Variants in SLC5A9 observed in about 807,000 individuals in gnomAD.
SLC5A9 encodes the protein solute carrier family 5 member 9, also known as sodium/glucose cotransporter 4.
A neutral mutation model predicts 70.9 loss-of-function variants in SLC5A9; 59 were observed. The observed-to-expected ratio is 0.83, with a 90% CI of 0.68 to 1.03. The LOEUF (loss-of-function observed/expected upper bound fraction) is 1.03, where lower values mean the gene tolerates loss of function less well. SLC5A9 is among the 50% of genes least tolerant of loss of function. The probability of loss-of-function intolerance (pLI) is 0.00; values close to 1 mark genes in which losing one functional copy is unlikely to be tolerated. For missense variants in SLC5A9, 832 were observed against 881.1 expected, an observed-to-expected ratio of 0.94 and a Z score of 0.71; for synonymous variants, 340 against 346.5, an observed-to-expected ratio of 0.98 and a Z score of 0.21.
chr1:48,231,561 G>T lies in SLC5A9; in HGVS notation c.627G>T (p.Val209=). Reference sequence around the variant, plus strand: ...GGTCCCCAGGTGGCCTCATGGCCGTGATCTACACAGATGCTCTGCAGACGG... The same window carrying T: ...GGTCCCCAGGTGGCCTCATGGCCGTTATCTACACAGATGCTCTGCAGACGG... The part of the protein sequence containing the change: ...VYTIAGGLMA[V]IYTDALQTVI... The change falls in exon 6 of 14, where the codon GTG becomes GTT. Residue 209 remains valine (V), a synonymous_variant. Transcript: ENST00000438567. The T allele has an allele frequency of 7.4e-6, 12 of 1,614,128 alleles. No individual in the cohort carries two copies. The highest frequency in any genetic ancestry group is 1.0e-5 in the Non-Finnish European group (12 of 1,179,996).
chr1:48,238,236 A>C (rs867176451), intron 11 of SLC5A9, among the ~76,000 whole-genome samples: 61 of 152,192 alleles, frequency 4.0e-4, no homozygotes, highest in African/African-American at 1.3e-3. Context: ...TGAAGGATTA[A>C]TGAGAGGGGG....
intron 12 of SLC5A9, chr1:48,240,497 T>A (rs1569859754): frequency 1.3e-5 from 2 of 152,340 alleles, no homozygotes; most frequent in Non-Finnish European, 1.5e-5. Flanking sequence ...GTGGACATCA[T>A]GGATAATACT....
chr1:48,232,466 G>A lies in SLC5A9; in HGVS notation c.997G>A (p.Val333Ile), dbSNP rs1037027712. Residue 333 changes from valine (V) to isoleucine (I), a missense_variant, in exon 8 of 14, where the codon GTC (valine) becomes ATC (isoleucine). Val to Ile is a conservative substitution (Grantham distance 29, BLOSUM62 3). Transcript: ENST00000438567. ...GAAGATCCTCCCCATGTTCTTCATC[G>A]TCATGCCTGGCATGATCAGCCGGGC... ...YLKILPMFFI[V>I]MPGMISRALF... 24 of 1,614,074 alleles carry A rather than the reference G, an allele frequency of 1.5e-5. No homozygotes were observed. Among genetic ancestry groups the A allele is most frequent in the African/African-American group, 4.0e-5 (3 of 74,920 alleles).
intron 1 of SLC5A9, 140 bp from the exon 2 acceptor site, chr1:48,224,584 G>C: frequency 1.3e-6 from 1 of 749,900 alleles, no homozygotes; most frequent in South Asian, 1.6e-5. Flanking sequence ...ACCAGCCTCA[G>C]GCAGCTCTCT....
chr1:48,247,369 C>T lies in SLC5A9; in HGVS notation c.1872C>T (p.Ser624=). The change falls in exon 14 of 14, where the codon AGC becomes AGT. Residue 624 remains serine (S), a synonymous_variant. Coordinates refer to ENST00000438567, the MANE Select transcript of SLC5A9 (RefSeq NM_001011547.3). The part of the protein sequence containing the change: ...PSRSWGKLLW[S]WFCGLSGTPE... Reference sequence around the variant, plus strand: ...GGTCCTGGGGAAAGTTGCTCTGGAGCTGGTTCTGTGGGCTCTCTGGAACAC... The same window carrying T: ...GGTCCTGGGGAAAGTTGCTCTGGAGTTGGTTCTGTGGGCTCTCTGGAACAC... The T allele has an allele frequency of 6.2e-7, 1 of 1,614,100 alleles. No homozygotes were observed. Among genetic ancestry groups the T allele is most frequent in the African/African-American group, 1.3e-5 (1 of 75,026 alleles).
intron 13 of SLC5A9, among the ~76,000 whole-genome samples, chr1:48,243,825 T>G (rs993335717): frequency 3.3e-5 from 5 of 152,198 alleles, no homozygotes; most frequent in African/African-American, 1.2e-4. Context: ...AATTAATCTC[T>G]CTTGCCCTTG....
chr1:48,244,394 T>G (rs1320106015), intron 13 of SLC5A9, among the ~76,000 whole-genome samples: 1 of 151,966 alleles, frequency 6.6e-6, no homozygotes, highest in Admixed American at 6.6e-5. Flanking sequence ...CTGAGAAGGC[T>G]CCCACCTTTC....
chr1:48,227,414 G>T (rs1644175114), intron 2 of SLC5A9, among the ~76,000 whole-genome samples: 1 of 138,342 alleles, frequency 7.2e-6, no homozygotes, highest in Admixed American at 7.5e-5. Flanking sequence ...GTGTGGGCGT[G>T]AGTGCATGTG....
intron 12 of SLC5A9, chr1:48,242,031 C>T (rs773993229): frequency 5.2e-5 from 24 of 457,186 alleles, no homozygotes; most frequent in Non-Finnish European, 8.8e-6. Flanking sequence ...AAGATCCTGG[C>T]ACTTACAGTC....
At chr1:48,244,827 T>A (rs1470480728) in intron 13 of SLC5A9, among the ~76,000 whole-genome samples, 1 of 69,556 alleles carries the variant, frequency 1.4e-5, no homozygotes, top group African/African-American at 5.4e-5. Context: ...ATTTATATTA[T>A]ATATATAAAT....
In SLC5A9 at chr1:48,242,615, A is replaced by G. The variant is rs557187487; in HGVS notation, c.1836A>G (p.Glu612=). 1.9e-6 allele frequency: 3 copies of G among 1,608,676 alleles called. No homozygotes were observed. Among genetic ancestry groups the G allele is most frequent in the Non-Finnish European group, 2.5e-6 (3 of 1,177,556 alleles). ...CGAGCCTGGGCCAGGAGCAGCCTGAAGGTAGGCTGCGGCAGGCCGGGGGAT... is the reference window on the plus strand; with the variant it reads ...CGAGCCTGGGCCAGGAGCAGCCTGAGGGTAGGCTGCGGCAGGCCGGGGGAT... ...ENSSLGQEQP[E]APSRSWGKLL... Residue 612 remains glutamate, a splice_region_variant and synonymous_variant, in exon 13 of 14, where the codon GAA becomes GAG. Transcript: ENST00000438567.
In SLC5A9 at chr1:48,244,729, A is replaced by ATATATAATATATATAAAT. The variant is rs1285574048; in HGVS notation, c.1837+2119_1837+2136dup. Among the ~76,000 whole-genome samples, 7 of 120,308 alleles carry ATATATAATATATATAAAT rather than the reference A, an allele frequency of 5.8e-5. No homozygotes were observed. In the East Asian group the frequency reaches 1.2e-3, roughly 21 times the overall value. 78.9% of individuals were successfully genotyped at this position (120,308 alleles called of 152,430 possible). A position where few individuals can be genotyped will look rare whatever the true frequency, so the allele number is the denominator to read the frequency against. On this transcript the variant is annotated intron_variant, in intron 13 of 13. Transcript: ENST00000438567. ...CTTTGCAAATATATATATATATAAAATATATAATATATATAAATTATATTT... is the reference window on the plus strand; with the variant it reads ...CTTTGCAAATATATATATATATAAAATATATAATATATATAAATTATATAATATATATAAATTATATTT...
At chr1:48,227,374 C>T (rs1438965884) in intron 2 of SLC5A9, among the ~76,000 whole-genome samples, 1 of 81,636 alleles carries the variant, frequency 1.2e-5, no homozygotes, top group African/African-American at 5.3e-5. Flanking sequence ...TGTGTGATTG[C>T]ATGTGTGAGA....
At chr1:48,227,504 AGT>A (rs1208957520) in intron 2 of SLC5A9, among the ~76,000 whole-genome samples, 2 of 79,964 alleles carry the variant, frequency 2.5e-5, no homozygotes, top group African/African-American at 1.0e-4. Flanking sequence ...TGTGTGTCAG[AGT>A]GTGTGTAATT....
At chr1:48,224,860 C>A in intron 2 of SLC5A9, 65 bp downstream of exon 2, 2 of 1,455,822 alleles carry the variant, frequency 1.4e-6, no homozygotes, top group South Asian at 1.1e-5. Context: ...CCCCACTATC[C>A]AAGCACTTGT....
At chr1:48,224,593 C>G (rs112261017) in intron 1 of SLC5A9, 131 bp from the exon 2 acceptor site, 17 of 832,066 alleles carry the variant, frequency 2.0e-5, no homozygotes, top group African/African-American at 1.2e-4. Flanking sequence ...AGGCAGCTCT[C>G]TTCTGCCTCA....
chr1:48,244,876 G>A (rs370140245), intron 13 of SLC5A9, among the ~76,000 whole-genome samples: 3,839 of 11,186 alleles, frequency 0.34, 661 homozygotes, highest in Non-Finnish European at 0.37. Context: ...GTATGTGTAT[G>A]TGTATATATA....
intron 11 of SLC5A9, chr1:48,238,375 T>C: frequency 1.3e-5 from 2 of 152,722 alleles, no homozygotes. Flanking sequence ...ATGACAATGA[T>C]GATGACAAAG....
chr1:48,234,808 G>A (rs192255941), intron 9 of SLC5A9, among the ~76,000 whole-genome samples: 1 of 152,230 alleles, frequency 6.6e-6, no homozygotes, highest in African/African-American at 2.4e-5. Flanking sequence ...GGGGCAGGTT[G>A]GAGGTAAGCA....
Sources: gnomAD v4.1 joint callset for allele counts (sites outside exome capture counted in the v4.1 genomes callset) on GRCh38, gnomAD v4.1.1 for gene constraint, MANE v1.5 for transcripts, NCBI Gene and HGNC (gene_info 2026-07-23, HGNC 2026-07-21) for gene names.